The following USP43 variants were observed in gnomAD, a reference collection of about 807,000 sequenced individuals.
USP43 encodes the protein ubiquitin specific peptidase 43.
USP43 carries 33 observed loss-of-function variants against 90.7 expected under a neutral mutation model. That is an observed-to-expected ratio of 0.36 (90% CI 0.28 to 0.49). The LOEUF (loss-of-function observed/expected upper bound fraction) is 0.49, where lower values mean the gene tolerates loss of function less well. USP43 is among the 20% of genes least tolerant of loss of function. The pLI is 0.98. For missense variants in USP43, 1,274 were observed against 1,476.4 expected (o/e 0.86, Z 2.25); for synonymous variants, 598 against 615.8 (o/e 0.97, Z 0.43).
chr17:9,654,649 TA>T (rs774004761), intron 1 of USP43, among the ~76,000 whole-genome samples: 1,370 of 128,878 alleles, frequency 0.011, 5 homozygotes, highest in Admixed American at 0.014. Flanking sequence ...AACACTGTCT[TA>T]AAAAAAAAAA....
rs762121459 is a variant in USP43, at chr17:9,701,292, C to T, written c.1662+47C>T. 29 of 1,593,222 alleles carry T rather than the reference C, an allele frequency of 1.8e-5. No individual in the cohort carries two copies. Among genetic ancestry groups the T allele is most frequent in the Non-Finnish European group, 2.5e-5 (29 of 1,169,096 alleles). On this transcript the variant is annotated intron_variant, in intron 11 of 14. Coordinates refer to ENST00000285199, the MANE Select transcript of USP43 (RefSeq NM_153210.5). This position sits in a 1 kb window ranked among gnomAD's most constrained non-coding sequence, Gnocchi z 7.2. Reference sequence around the variant, plus strand: ...CCCCGGCCGGGAAGGGGGCTGGCTGCCTTTGGTGGGTTGGCCACGTGCTGC... The same window carrying T: ...CCCCGGCCGGGAAGGGGGCTGGCTGTCTTTGGTGGGTTGGCCACGTGCTGC...
intron 13 of USP43, 130 bp downstream of exon 13, chr17:9,710,244 C>A: frequency 9.7e-7 from 1 of 1,026,340 alleles, no homozygotes; most frequent in Non-Finnish European, 1.3e-6. Flanking sequence ...CGGGATGCTG[C>A]TGTAGAAACC....
rs374324302 is a variant in USP43 at position 9,728,286 on chromosome 17, G to T, written c.2668G>T (p.Val890Leu). Residue 890 changes from valine to leucine, a missense_variant, in exon 15 of 15, where the codon GTG becomes TTG. Val to Leu is a conservative substitution (Grantham distance 32). This residue lies in a region of USP43 where 353 missense variants were observed against 329.7 expected (regional missense o/e 1.07). Coordinates refer to ENST00000285199, the MANE Select transcript of USP43 (RefSeq NM_153210.5). This position sits in a 1 kb window ranked among gnomAD's most constrained non-coding sequence, Gnocchi z 6.2. ...GRAIERGPAG[V>L]PCPSAQPNHC... is the part of the protein sequence containing the mutation. ...GGCCATTGAAAGAGGTCCAGCCGGG[G>T]TGCCCTGTCCCTCGGCTCAACCCAA... is the stretch of plus-strand genomic sequence containing the variant. The T allele has an allele frequency of 1.9e-6, 3 of 1,613,446 alleles. No individual in the cohort carries two copies. Among genetic ancestry groups the T allele is most frequent in the Non-Finnish European group, 2.5e-6 (3 of 1,179,714 alleles).
chr17:9,670,459 A>T (rs548008845), intron 3 of USP43, among the ~76,000 whole-genome samples: 5 of 152,226 alleles, frequency 3.3e-5, no homozygotes, highest in African/African-American at 1.2e-4. Flanking sequence ...GTGGCGGTAG[A>T]GATGGAGGGA....
Position 9,710,091 on chromosome 17 carries a change from G to A in USP43, c.2147G>A (p.Trp716Ter). Residue 716 changes from tryptophan to a stop codon, truncating the protein, a stop_gained, in exon 13 of 15, where the codon TGG becomes TAG. Transcript: ENST00000285199. LOFTEE classifies it high-confidence loss of function. Reference sequence around the variant, plus strand: ...CAGAAGCGGAACAGCATCCCTCCCTGGTCAGCCAGCAGCTCCATGAGAGGT... The same window carrying A: ...CAGAAGCGGAACAGCATCCCTCCCTAGTCAGCCAGCAGCTCCATGAGAGGT... ...FYQKRNSIPP[W>*]SASSSMRGST... The A allele has an allele frequency of 1.3e-6, 2 of 1,528,618 alleles. No homozygotes were observed. The highest frequency in any genetic ancestry group is 8.8e-7 in the Non-Finnish European group (1 of 1,138,082). 94.7% of individuals were successfully genotyped at this position (1,528,618 alleles called of 1,614,324 possible).
At position 9,712,142 on chromosome 17, in the gene USP43, T is replaced by C; in HGVS notation, c.2335+10T>C. The C allele has an allele frequency of 6.4e-7, 1 of 1,551,026 alleles. No individual in the cohort carries two copies. The highest frequency in any genetic ancestry group is 8.7e-7 in the Non-Finnish European group (1 of 1,145,444). On this transcript the variant is annotated intron_variant, in intron 14 of 14. Transcript: ENST00000285199. ...TGCAATCAGGAAAAGGGTATGTTGG[T>C]TAAATGTGCTTGGTTGATTTTCATT...
chr17:9,694,727 G>A (rs138143243), intron 9 of USP43, among the ~76,000 whole-genome samples: 2,138 of 152,024 alleles, frequency 0.014, 41 homozygotes, highest in African/African-American at 0.048. Context: ...GGGTTCGAGC[G>A]ATTTTCCTGC....
At chr17:9,648,334 C>T (rs557037161) in intron 1 of USP43, among the ~76,000 whole-genome samples, 1 of 152,256 alleles carries the variant, frequency 6.6e-6, no homozygotes, top group African/African-American at 2.4e-5. Flanking sequence ...ATTCGTTCAA[C>T]AAATATTTAT....
At chr17:9,714,446 C>T (rs992448605) in intron 14 of USP43, among the ~76,000 whole-genome samples, 16 of 152,188 alleles carry the variant, frequency 1.1e-4, no homozygotes, top group African/African-American at 3.4e-4. Context: ...CTTTGGGAGG[C>T]CGAGGTGGGC....
chr17:9,685,733 T>C (rs1220271056), intron 7 of USP43, among the ~76,000 whole-genome samples: 3 of 152,216 alleles, frequency 2.0e-5, no homozygotes, highest in Non-Finnish European at 4.4e-5. Context: ...GATATTTTGA[T>C]ACATGTACAT....
At chr17:9,687,557 T>G (rs115299253) in intron 8 of USP43, among the ~76,000 whole-genome samples, 1,572 of 152,328 alleles carry the variant, frequency 0.01, 27 homozygotes, top group African/African-American at 0.036. Flanking sequence ...TGTTTTTAGC[T>G]CCTATAATAT....
At chr17:9,663,277 A>G (rs1187194749) in intron 2 of USP43, among the ~76,000 whole-genome samples, 1 of 150,822 alleles carries the variant, frequency 6.6e-6, no homozygotes, top group African/African-American at 2.4e-5. Context: ...GTAGTCAAGT[A>G]CCGGTGTGGG....
At position 9,709,902 on chromosome 17, in the gene USP43, C is replaced by T; in HGVS notation, c.2012-54C>T. The T allele has an allele frequency of 1.5e-6, 2 of 1,368,622 alleles. No homozygotes were observed. Among genetic ancestry groups the T allele is most frequent in the Non-Finnish European group, 1.9e-6 (2 of 1,051,774 alleles). 84.8% of individuals were successfully genotyped at this position (1,368,622 alleles called of 1,614,324 possible). A position where few individuals can be genotyped will look rare whatever the true frequency, so the allele number is the denominator to read the frequency against. On this transcript the variant is annotated intron_variant, in intron 12 of 14. Coordinates refer to ENST00000285199, the MANE Select transcript of USP43 (RefSeq NM_153210.5). This position sits in a 1 kb window ranked among gnomAD's most constrained non-coding sequence, Gnocchi z 5.0. ...TTTCAGCTATGCCAGTGGGAAATGTCTTCCTACCTTTTGGGGCTCCAATAA... is the reference window on the plus strand; with the variant it reads ...TTTCAGCTATGCCAGTGGGAAATGTTTTCCTACCTTTTGGGGCTCCAATAA...
chr17:9,729,106 A>G lies in USP43; in HGVS notation c.*116A>G. 8 of 1,186,354 alleles carry G rather than the reference A, an allele frequency of 6.7e-6. No individual in the cohort carries two copies. The highest frequency in any genetic ancestry group is 7.8e-6 in the Non-Finnish European group (7 of 898,972). The allele number at this position is 1,186,354 out of a possible 1,614,324, so 73.5% of individuals were successfully genotyped here. On this transcript the variant is annotated 3_prime_UTR_variant, in exon 15 of 15. Coordinates refer to ENST00000285199, the MANE Select transcript of USP43 (RefSeq NM_153210.5). ...ACCCGTTGTCTTGTAATCTCTAAAA[A>G]AAAATTTTTTTTTTTTTGTGGTGGG...
chr17:9,661,453 C>A (rs1912632443), intron 2 of USP43, among the ~76,000 whole-genome samples: 1 of 152,016 alleles, frequency 6.6e-6, no homozygotes, highest in Non-Finnish European at 1.5e-5. Flanking sequence ...ACCTCCTGGG[C>A]TCCAGCACTC....
rs1915494516 is a variant in USP43 at position 9,700,247 on chromosome 17, G to A, written c.1533G>A (p.Glu511=). 1.3e-6 allele frequency: 2 copies of A among 1,595,436 alleles called. No homozygotes were observed. Among genetic ancestry groups the A allele is most frequent in the Non-Finnish European group, 1.7e-6 (2 of 1,171,160 alleles). ...TGGAGTGGGATAGCTCTGTCAAGGA[G>A]CGGTGAGTTCAAGGGAATTTGCCAC... is the stretch of plus-strand genomic sequence containing the variant. ...LAVEWDSSVK[E]RLFGSLQEER... The change falls in exon 10 of 15, where the codon GAG becomes GAA. Residue 511 remains glutamate (E), a splice_region_variant and synonymous_variant. Transcript: ENST00000285199.
chr17:9,712,381 C>T (rs1229057968), intron 14 of USP43, among the ~76,000 whole-genome samples: 1 of 152,092 alleles, frequency 6.6e-6, no homozygotes, highest in Non-Finnish European at 1.5e-5. Flanking sequence ...AGCAAGTAAA[C>T]CTGGGAACAT....
intron 14 of USP43, among the ~76,000 whole-genome samples, chr17:9,718,652 C>T (rs1023355612): frequency 2.4e-4 from 35 of 148,786 alleles, no homozygotes; most frequent in African/African-American, 8.2e-4. Context: ...ACCAGCCTGA[C>T]CAACATAGAG....
At chr17:9,673,974 C>T (rs1224220826) in intron 3 of USP43, among the ~76,000 whole-genome samples, 1 of 152,112 alleles carries the variant, frequency 6.6e-6, no homozygotes. Context: ...ACACTAGGGT[C>T]ATCTGGGGAG....
Sources: allele counts gnomAD v4.1 joint callset (sites outside exome capture counted in the v4.1 genomes callset), GRCh38; gene constraint gnomAD v4.1.1; regional missense constraint gnomAD v4.1.1; non-coding constraint Gnocchi (gnomAD v3.1); transcripts MANE v1.5; gene names NCBI Gene and HGNC (gene_info 2026-07-23, HGNC 2026-07-21).